The following NEDD9 variants were observed in gnomAD, a reference collection of about 807,000 sequenced individuals.
NEDD9 encodes the protein enhancer of filamentation 1.
A neutral mutation model predicts 76.6 loss-of-function variants in NEDD9; 26 were observed. The observed-to-expected ratio is 0.34, with a 90% CI of 0.25 to 0.47. The LOEUF (loss-of-function observed/expected upper bound fraction) is 0.47, where lower values mean the gene tolerates loss of function less well. Among genes scored for constraint, NEDD9 ranks in the 20% least tolerant of loss-of-function variants. The pLI, the probability that NEDD9 is intolerant of heterozygous loss-of-function variation, is 1.00. For synonymous variants in NEDD9, 392 were observed against 414.2 expected, an observed-to-expected ratio of 0.95 and a Z score of 0.65; for missense variants, 937 against 1,058.5, an observed-to-expected ratio of 0.89 and a Z score of 1.59.
rs1671486570 is a variant in NEDD9 at position 11,198,475 on chromosome 6, T to TTG, written c.460-4784_460-4783insCA. 1 of 152,254 alleles carries TTG rather than the reference T, an allele frequency of 6.6e-6. No individual in the cohort carries two copies. Among genetic ancestry groups the TTG allele is most frequent in the Admixed American group, 6.5e-5 (1 of 15,280 alleles). The allele number at this position is 152,254 out of a possible 1,614,324, so 9.4% of individuals were successfully genotyped here. A position where few individuals can be genotyped will look rare whatever the true frequency, so the allele number is the denominator to read the frequency against. ...TCTTTCCTCATATTCAAACTTTAAT[T>TTG]GATTTTCAAGGCCCGGCTGAATGCC... On this transcript the variant is annotated intron_variant, in intron 2 of 6. Transcript: ENST00000379446. The surrounding 1 kb of genome is among the most constrained non-coding windows in gnomAD (Gnocchi z 4.7).
intron 3 of NEDD9, among the ~76,000 whole-genome samples, chr6:11,258,069 T>C (rs1760039881): frequency 6.6e-6 from 1 of 152,188 alleles, no homozygotes; most frequent in Middle Eastern, 3.2e-3. Context: ...AGCCATGGAA[T>C]TGCACTCTTG....
At chr6:11,192,663 G>A (rs1005230933) in intron 3 of NEDD9, 90 of 404,872 alleles carry the variant, frequency 2.2e-4, no homozygotes, top group African/African-American at 4.6e-4. Flanking sequence ...GGCCAGGCAC[G>A]GTGGCTCACG....
At chr6:11,378,277 A>C (rs1163241321) in intron 1 of NEDD9, among the ~76,000 whole-genome samples, 1 of 151,694 alleles carries the variant, frequency 6.6e-6, no homozygotes, top group African/African-American at 2.4e-5. Context: ...AGAGTGTGGC[A>C]CCTCCCAGCT....
At chr6:11,321,557 C>G (rs1761803894) in intron 2 of NEDD9, among the ~76,000 whole-genome samples, 1 of 152,214 alleles carries the variant, frequency 6.6e-6, no homozygotes, top group Non-Finnish European at 1.5e-5. Context: ...GAAACTCAAA[C>G]TCATCTCAGT....
chr6:11,210,026 T>G (rs370422905), intron 2 of NEDD9, among the ~76,000 whole-genome samples: 7 of 149,408 alleles, frequency 4.7e-5, no homozygotes, highest in African/African-American at 1.7e-4. Flanking sequence ...GGGTAAAACT[T>G]CGGAAGCCCA....
chr6:11,325,916 C>T lies in NEDD9; in HGVS notation c.-153+8585G>A, dbSNP rs147299358. Among the ~76,000 whole-genome samples the T allele has an allele frequency of 8.3e-3, 1,261 of 152,224 alleles. 20 individuals carry two copies. Among genetic ancestry groups the T allele is most frequent in the African/African-American group, 0.029 (1,208 of 41,530 alleles). ...ATCCCAGCACTTTGGGAGGCCGAGG[C>T]GGGCGGATCACCTGAGGCCAGGAGT... On this transcript the variant is annotated intron_variant, in intron 2 of 3. Transcript: ENST00000397378.
chr6:11,355,686 T>G (rs1244807653), intron 1 of NEDD9, among the ~76,000 whole-genome samples: 1 of 152,080 alleles, frequency 6.6e-6, no homozygotes, highest in Non-Finnish European at 1.5e-5. Context: ...ACATCCATGC[T>G]TTTCAAACCA....
chr6:11,321,793 C>G (rs1468568973), intron 2 of NEDD9, among the ~76,000 whole-genome samples: 2 of 152,110 alleles, frequency 1.3e-5, no homozygotes, highest in African/African-American at 2.4e-5. Flanking sequence ...ATGATCTAGC[C>G]AGGGGAGACA....
chr6:11,375,686 C>T (rs1486999989), intron 1 of NEDD9, among the ~76,000 whole-genome samples: 106 of 152,142 alleles, frequency 7.0e-4, no homozygotes, highest in Admixed American at 6.9e-3. Flanking sequence ...CTGTCCTTTT[C>T]TCTCTCTCTT....
chr6:11,265,610 A>C (rs1184351741), intron 3 of NEDD9, among the ~76,000 whole-genome samples: 2 of 152,338 alleles, frequency 1.3e-5, no homozygotes, highest in Non-Finnish European at 2.9e-5. Flanking sequence ...AAGAAAAGGC[A>C]ATTCTTTTGG....
intron 3 of NEDD9, among the ~76,000 whole-genome samples, chr6:11,257,623 C>T (rs1051128751): frequency 5.9e-5 from 9 of 152,122 alleles, no homozygotes; most frequent in South Asian, 2.1e-4. Flanking sequence ...CCCTTTCTCC[C>T]GAGGTCAACC....
chr6:11,298,802 C>A (rs1227562901), intron 3 of NEDD9, among the ~76,000 whole-genome samples: 1 of 152,148 alleles, frequency 6.6e-6, no homozygotes, highest in Non-Finnish European at 1.5e-5. Flanking sequence ...GCCATAGAAT[C>A]TAGTACTAGC....
At chr6:11,275,978 A>C (rs1331365316) in intron 3 of NEDD9, among the ~76,000 whole-genome samples, 1 of 152,250 alleles carries the variant, frequency 6.6e-6, no homozygotes, top group African/African-American at 2.4e-5. Flanking sequence ...TCTACTTTAG[A>C]TAATCACTAC....
chr6:11,357,263 A>G (rs956717584), intron 1 of NEDD9, among the ~76,000 whole-genome samples: 4 of 152,028 alleles, frequency 2.6e-5, no homozygotes, highest in African/African-American at 4.8e-5. Flanking sequence ...GGAAGCCCCA[A>G]ATGACCACTC....
At chr6:11,284,840 A>T (rs1581998330) in intron 3 of NEDD9, among the ~76,000 whole-genome samples, 1 of 150,988 alleles carries the variant, frequency 6.6e-6, no homozygotes, top group South Asian at 2.1e-4. Flanking sequence ...ATATTAATAT[A>T]ACTAATATTT....
chr6:11,200,183 C>T (rs1475776878), intron 2 of NEDD9: 1 of 393,734 alleles, frequency 2.5e-6, no homozygotes, highest in Non-Finnish European at 5.2e-6. Flanking sequence ...TAGGGCTCAC[C>T]AAGGCAGGGA....
intron 2 of NEDD9, among the ~76,000 whole-genome samples, chr6:11,329,190 G>A (rs967473): frequency 0.14 from 21,694 of 152,208 alleles, 1,724 homozygotes; most frequent in Admixed American, 0.25. Context: ...CCCGTGCAAG[G>A]GCAAACATCT....
intron 3 of NEDD9, among the ~76,000 whole-genome samples, chr6:11,275,565 C>CATATATATAT (rs1554129530): frequency 3.3e-5 from 5 of 150,178 alleles, no homozygotes; most frequent in African/African-American, 9.8e-5. Flanking sequence ...CACACACACA[C>CATATATATAT]ATATATATAT....
At chr6:11,209,773 C>T (rs1343065961) in intron 2 of NEDD9, among the ~76,000 whole-genome samples, 1 of 152,152 alleles carries the variant, frequency 6.6e-6, no homozygotes, top group Non-Finnish European at 1.5e-5. Context: ...ACCCTGAAGG[C>T]CTTACTCTCT....
Sources: allele counts gnomAD v4.1 joint callset (sites outside exome capture counted in the v4.1 genomes callset), GRCh38; gene constraint gnomAD v4.1.1; non-coding constraint Gnocchi (gnomAD v3.1); transcripts MANE v1.5; gene names NCBI Gene and HGNC (gene_info 2026-07-23, HGNC 2026-07-21).